The following GLIS1 variants were observed in gnomAD, a reference collection of about 807,000 sequenced individuals.
GLIS1 encodes zinc finger protein GLIS1.
GLIS1 carries 24 observed loss-of-function variants against 63.8 expected under a neutral mutation model. That is an observed-to-expected ratio of 0.38 (90% CI 0.27 to 0.53). The LOEUF (loss-of-function observed/expected upper bound fraction) is 0.53. Among genes scored for constraint, GLIS1 ranks in the 20% least tolerant of loss-of-function variants. The pLI is 0.85. For synonymous variants in GLIS1, 450 were observed against 482.5 expected (o/e 0.93, Z 0.88); for missense variants, 1,036 against 1,074.1 (o/e 0.96, Z 0.50).
At chr1:53,618,633 C>T (rs1026465898) in intron 2 of GLIS1, among the ~76,000 whole-genome samples, 3 of 152,170 alleles carry the variant, frequency 2.0e-5, no homozygotes, top group African/African-American at 7.2e-5. Flanking sequence ...ACCACATTGC[C>T]CTGACTTCTG....
At chr1:53,600,384 C>T (rs1352926007) in intron 2 of GLIS1, 106 bp from the exon 3 acceptor site, 2 of 567,418 alleles carry the variant, frequency 3.5e-6, no homozygotes, top group African/African-American at 3.8e-5. Flanking sequence ...ACAGGGCACC[C>T]AGAGCCAACA....
chr1:53,588,234 CA>C (rs1645155276), intron 4 of GLIS1, among the ~76,000 whole-genome samples: 1 of 152,170 alleles, frequency 6.6e-6, no homozygotes, highest in Non-Finnish European at 1.5e-5. Context: ...AATAATATCA[CA>C]AGATTCAAAA....
chr1:53,651,058 C>G (rs1218561429), intron 2 of GLIS1, among the ~76,000 whole-genome samples: 1 of 152,198 alleles, frequency 6.6e-6, no homozygotes, highest in Non-Finnish European at 1.5e-5. Flanking sequence ...CAGTCCAGTT[C>G]TGGCCTAGAT....
chr1:53,724,464 A>C (rs1646786309), intron 2 of GLIS1, among the ~76,000 whole-genome samples: 1 of 152,192 alleles, frequency 6.6e-6, no homozygotes, highest in Admixed American at 6.5e-5. Context: ...AAATAGCCAT[A>C]GTGTTTTTGT....
chr1:53,664,178 C>T (rs537724049), intron 2 of GLIS1, among the ~76,000 whole-genome samples: 2 of 152,286 alleles, frequency 1.3e-5, no homozygotes, highest in Non-Finnish European at 2.9e-5. Context: ...TGTGCCCCCA[C>T]CCCAAACCCC....
intron 4 of GLIS1, among the ~76,000 whole-genome samples, chr1:53,543,119 G>C (rs931503148): frequency 6.6e-6 from 1 of 152,242 alleles, no homozygotes; most frequent in African/African-American, 2.4e-5. Flanking sequence ...GCTCAGGATA[G>C]GAAGGGAGTG....
At chr1:53,554,869 C>T (rs12141264) in intron 4 of GLIS1, among the ~76,000 whole-genome samples, 18,697 of 152,278 alleles carry the variant, frequency 0.12, 1,554 homozygotes, top group Non-Finnish European at 0.17. Context: ...GGACACTGTC[C>T]TCCTCCTAAG....
In GLIS1 at chr1:53,514,716, C is replaced by G; in HGVS notation, c.1792G>C (p.Asp598His). The change falls in exon 8 of 11, where the codon GAC (aspartate) becomes CAC (histidine). Residue 598 changes from aspartate (D) to histidine (H), a missense_variant. Physicochemically the swap from Asp to His is moderately conservative, Grantham distance 81. Around this residue, in one of 3 missense-constraint regions of GLIS1, gnomAD observed 400 missense variants for 400.9 expected, o/e 1.00. Coordinates refer to ENST00000628545, the MANE Select transcript of GLIS1 (RefSeq NM_001367484.1). ...LASGLLPPAH[D>H]VPSRHHPLDA... is the part of the protein sequence containing the mutation. The stretch of plus-strand genomic sequence containing the variant: ...AGCGGGTGGTGCCTGGAAGGTACGT[C>G]GTGCGCTGGGGGCAGGAGGCCCGAT... 6.2e-7 allele frequency: 1 copy of G among 1,613,158 alleles called. No homozygotes were observed. The highest frequency in any genetic ancestry group is 8.5e-7 in the Non-Finnish European group (1 of 1,179,666).
At chr1:53,548,406 G>C (rs142436124) in intron 4 of GLIS1, among the ~76,000 whole-genome samples, 290 of 152,354 alleles carry the variant, frequency 1.9e-3, no homozygotes, top group Middle Eastern at 3.4e-3. Flanking sequence ...GCAGGAACGA[G>C]AGAAGGGCCA....
chr1:53,555,800 A>C (rs1265975442), intron 4 of GLIS1, among the ~76,000 whole-genome samples: 1 of 139,634 alleles, frequency 7.2e-6, no homozygotes, highest in Non-Finnish European at 1.6e-5. Flanking sequence ...GTGCAGGTGT[A>C]CTGCAGGTGT....
At chr1:53,573,875 C>T (rs1645007758) in intron 4 of GLIS1, among the ~76,000 whole-genome samples, 1 of 152,216 alleles carries the variant, frequency 6.6e-6, no homozygotes, top group Admixed American at 6.5e-5. Flanking sequence ...CAGATTTCTC[C>T]TTGGTTGCTC....
chr1:53,576,916 C>A (rs1645037285), intron 4 of GLIS1, among the ~76,000 whole-genome samples: 1 of 152,076 alleles, frequency 6.6e-6, no homozygotes, highest in African/African-American at 2.4e-5. Context: ...CATTCACATT[C>A]TAACAAGGCC....
chr1:53,729,810 T>C (rs572224237), intron 2 of GLIS1, among the ~76,000 whole-genome samples: 2 of 152,098 alleles, frequency 1.3e-5, no homozygotes, highest in South Asian at 2.1e-4. Context: ...AAGAATTGAG[T>C]TTGGTTGAAG....
At chr1:53,699,406 A>G (rs1646500510) in intron 2 of GLIS1, among the ~76,000 whole-genome samples, 1 of 152,154 alleles carries the variant, frequency 6.6e-6, no homozygotes, top group Non-Finnish European at 1.5e-5. Context: ...AGCTGCCATG[A>G]CAAAATACAA....
In GLIS1 at chr1:53,738,061, G is replaced by A; in HGVS notation, c.4C>T (p.His2Tyr). The change falls in exon 2 of 11, where the codon CAT becomes TAT. Residue 2 changes from histidine (H) to tyrosine (Y), a missense_variant. His to Tyr is a moderately conservative substitution (Grantham distance 83). Transcript: ENST00000628545. M[H>Y]CEVAEAHSDK... ...GAGTGTGCCTCAGCCACCTCGCAAT[G>A]CATGGCGCCGGGGCGGGGCGCACGG... 1 of 1,230,470 alleles carries A rather than the reference G, an allele frequency of 8.1e-7. No individual in the cohort carries two copies. Among genetic ancestry groups the A allele is most frequent in the Non-Finnish European group, 1.0e-6 (1 of 987,104 alleles). 76.2% of individuals were successfully genotyped at this position (1,230,470 alleles called of 1,614,324 possible). A position where few individuals can be genotyped will look rare whatever the true frequency, so the allele number is the denominator to read the frequency against.
chr1:53,629,206 T>C (rs570493639), intron 2 of GLIS1, among the ~76,000 whole-genome samples: 6 of 152,208 alleles, frequency 3.9e-5, no homozygotes, highest in Admixed American at 2.0e-4. Context: ...TGCTTTATGA[T>C]GTTCTCCCTC....
At chr1:53,515,253 A>G (rs1046715009) in intron 7 of GLIS1, among the ~76,000 whole-genome samples, 1 of 152,140 alleles carries the variant, frequency 6.6e-6, no homozygotes, top group African/African-American at 2.4e-5. Context: ...GAGAGTAGAC[A>G]GCAGCCCAGG....
intron 3 of GLIS1, among the ~76,000 whole-genome samples, chr1:53,597,895 C>T (rs1214466122): frequency 7.3e-6 from 1 of 137,164 alleles, no homozygotes; most frequent in Non-Finnish European, 1.6e-5. Flanking sequence ...ATATTTCTGA[C>T]TATCTCTAGC....
chr1:53,613,672 T>TTTTTTCA (rs1297226348), intron 2 of GLIS1, among the ~76,000 whole-genome samples: 1 of 151,860 alleles, frequency 6.6e-6, no homozygotes, highest in African/African-American at 2.4e-5. Context: ...TCAGTTAATG[T>TTTTTTCA]GTGGGAAAAA....
Sources: gnomAD v4.1 joint callset for allele counts (sites outside exome capture counted in the v4.1 genomes callset) on GRCh38, gnomAD v4.1.1 for gene constraint, gnomAD v4.1.1 regional missense constraint, MANE v1.5 for transcripts, NCBI Gene and HGNC (gene_info 2026-07-23, HGNC 2026-07-21) for gene names.